Variants in SRGAP1 observed in about 807,000 individuals in gnomAD.
The protein encoded by SRGAP1 is SLIT-ROBO Rho GTPase-activating protein 1.
SRGAP1 carries 43 observed loss-of-function variants against 121.9 expected under a neutral mutation model. The ratio of observed to expected loss-of-function variants is 0.35; its 90% CI spans 0.28 to 0.46. The LOEUF is 0.46. SRGAP1 is among the 20% of genes least tolerant of loss of function. SRGAP1 has a pLI of 1.00. For synonymous variants in SRGAP1, 447 were observed against 485.4 expected (o/e 0.92, Z 1.04); for missense variants, 1,102 against 1,350.9 (o/e 0.82, Z 2.89).
rs2037057172 is a variant in SRGAP1 at position 64,146,666 on chromosome 12, C to T, written c.*3994C>T. 6.6e-6 allele frequency: 1 copy of T among 152,110 alleles called. No homozygotes were observed. The highest frequency in any genetic ancestry group is 6.5e-5 in the Admixed American group (1 of 15,268). The allele number at this position is 152,110 out of a possible 1,614,324, so 9.4% of individuals were successfully genotyped here. A position where few individuals can be genotyped will look rare whatever the true frequency, so the allele number is the denominator to read the frequency against. On this transcript the variant is annotated 3_prime_UTR_variant, in exon 22 of 22. Transcript: ENST00000355086. ...ACTCAGTCTTGTTTTCGATTATCCACCACAGAAACCCTGAGACACAGAGCA... is the reference window on the plus strand; with the variant it reads ...ACTCAGTCTTGTTTTCGATTATCCATCACAGAAACCCTGAGACACAGAGCA...
chr12:64,082,297 G>A (rs1305168221), intron 10 of SRGAP1, among the ~76,000 whole-genome samples: 1 of 151,988 alleles, frequency 6.6e-6, no homozygotes, highest in East Asian at 1.9e-4. Context: ...GTGTCTCCTA[G>A]AGAGAAAGCC....
At chr12:64,112,033 AAT>A in intron 17 of SRGAP1, 47 bp downstream of exon 17, 1 of 1,438,080 alleles carries the variant, frequency 7.0e-7, no homozygotes, top group Non-Finnish European at 9.7e-7. Context: ...AAATTATGGA[AAT>A]ATAGCTATCA....
chr12:64,006,185 T>A (rs2034076495), intron 3 of SRGAP1, among the ~76,000 whole-genome samples: 1 of 152,084 alleles, frequency 6.6e-6, no homozygotes, highest in Non-Finnish European at 1.5e-5. Flanking sequence ...ACAAAGGAAC[T>A]GGGGGAAGTA....
chr12:63,861,935 G>A (rs1592891945), intron 1 of SRGAP1, among the ~76,000 whole-genome samples: 1 of 151,992 alleles, frequency 6.6e-6, no homozygotes, highest in African/African-American at 2.4e-5. Context: ...CAGCCTGGCC[G>A]ACATGGTAAA....
At chr12:64,142,070 G>GT (rs1231476316) in intron 21 of SRGAP1, among the ~76,000 whole-genome samples, 1 of 152,178 alleles carries the variant, frequency 6.6e-6, no homozygotes, top group Non-Finnish European at 1.5e-5. Flanking sequence ...GAAGGCCATT[G>GT]TTTGATACAT....
Position 64,115,902 on chromosome 12 carries a change from T to A in SRGAP1, c.2224+9T>A. 6.2e-7 allele frequency: 1 copy of A among 1,606,784 alleles called. No individual in the cohort carries two copies. Among genetic ancestry groups the A allele is most frequent in the South Asian group, 1.1e-5 (1 of 89,986 alleles). On this transcript the variant is annotated intron_variant, in intron 18 of 21. Transcript: ENST00000355086. The stretch of plus-strand genomic sequence containing the variant: ...CCACACAAGTGAAGATGGTATGCTC[T>A]CCCCTTATGCTATTATAAAGCCAGT...
At chr12:63,947,383 G>C (rs1592970744) in intron 1 of SRGAP1, among the ~76,000 whole-genome samples, 1 of 152,128 alleles carries the variant, frequency 6.6e-6, no homozygotes, top group Non-Finnish European at 1.5e-5. Flanking sequence ...CCTAGCCCAA[G>C]TTTACTAAAA....
intron 21 of SRGAP1, among the ~76,000 whole-genome samples, chr12:64,136,088 G>A (rs2036851962): frequency 6.6e-6 from 1 of 152,204 alleles, no homozygotes; most frequent in Non-Finnish European, 1.5e-5. Context: ...TGCCCATCCA[G>A]ATTAGGGGTA....
chr12:64,026,347 A>G (rs1278565027), intron 4 of SRGAP1, among the ~76,000 whole-genome samples: 2 of 152,204 alleles, frequency 1.3e-5, no homozygotes, highest in Admixed American at 1.3e-4. Context: ...AATAAATTAG[A>G]GGCATTTTTC....
At chr12:64,129,275 A>G (rs2136640137) in intron 21 of SRGAP1, among the ~76,000 whole-genome samples, 1 of 152,294 alleles carries the variant, frequency 6.6e-6, no homozygotes, top group Admixed American at 6.5e-5. Flanking sequence ...TCCAAGTTCC[A>G]AAACTGAAGA....
rs540042160 is a variant in SRGAP1 at position 64,022,156 on chromosome 12, G to T, written c.489+5144G>T. Among the ~76,000 whole-genome samples, 12 of 150,906 alleles carry T rather than the reference G, an allele frequency of 8.0e-5. No homozygotes were observed. In the East Asian group the frequency reaches 2.3e-3, roughly 29 times the overall value. On this transcript the variant is annotated intron_variant, in intron 4 of 21. Coordinates refer to ENST00000355086, the MANE Select transcript of SRGAP1 (RefSeq NM_020762.4). ...CCATAGATACAGAACCAACAGAATGGGTGTGTGTGTGTGTGTGCATGTGCA... is the reference window on the plus strand; with the variant it reads ...CCATAGATACAGAACCAACAGAATGTGTGTGTGTGTGTGTGTGCATGTGCA...
At chr12:63,940,977 G>A (rs1330919973) in intron 1 of SRGAP1, among the ~76,000 whole-genome samples, 1 of 152,072 alleles carries the variant, frequency 6.6e-6, no homozygotes, top group African/African-American at 2.4e-5. Flanking sequence ...ATGAGAGCTG[G>A]GATTGTTTCT....
intron 4 of SRGAP1, chr12:64,032,279 C>T (rs959063124): frequency 3.3e-6 from 1 of 300,472 alleles, no homozygotes; most frequent in Non-Finnish European, 6.5e-6. Flanking sequence ...TGCAAAGGGC[C>T]TAAACTTGCC....
At chr12:64,138,843 GTTAA>G (rs1244938367) in intron 21 of SRGAP1, among the ~76,000 whole-genome samples, 1 of 152,128 alleles carries the variant, frequency 6.6e-6, no homozygotes, top group Non-Finnish European at 1.5e-5. Context: ...AGAGTATTCA[GTTAA>G]TTGAGTTAAC....
At chr12:63,877,617 C>T (rs117418684) in intron 1 of SRGAP1, among the ~76,000 whole-genome samples, 4,113 of 152,304 alleles carry the variant, frequency 0.027, 85 homozygotes, top group Non-Finnish European at 0.038. Context: ...GTTACTTCAT[C>T]TTGATTGCCA....
chr12:64,004,621 C>T (rs113202138), intron 3 of SRGAP1, among the ~76,000 whole-genome samples: 32 of 152,276 alleles, frequency 2.1e-4, no homozygotes, highest in Non-Finnish European at 3.7e-4. Context: ...CTGCCCACCT[C>T]GGCCTCCCAA....
intron 1 of SRGAP1, among the ~76,000 whole-genome samples, chr12:63,976,714 C>T (rs1222243888): frequency 6.6e-6 from 1 of 152,164 alleles, no homozygotes; most frequent in Non-Finnish European, 1.5e-5. Context: ...TAATTCTCAG[C>T]ACAGCCTTGT....
intron 1 of SRGAP1, among the ~76,000 whole-genome samples, chr12:63,868,079 G>GTTTT (rs1565927744): frequency 3.2e-5 from 2 of 63,460 alleles, no homozygotes; most frequent in African/African-American, 6.4e-5. Flanking sequence ...TTTTTTTTTT[G>GTTTT]TTTTTTTTTT....
At chr12:64,137,961 A>AAAAATATATAT (rs372355390) in intron 21 of SRGAP1, among the ~76,000 whole-genome samples, 58 of 139,678 alleles carry the variant, frequency 4.2e-4, no homozygotes, top group African/African-American at 1.2e-3. Context: ...TTAAAAAAAA[A>AAAAATATATAT]ATATATATAT....
Sources: allele counts gnomAD v4.1 joint callset (sites outside exome capture counted in the v4.1 genomes callset), GRCh38; gene constraint gnomAD v4.1.1; transcripts MANE v1.5; gene names NCBI Gene and HGNC (gene_info 2026-07-23, HGNC 2026-07-21).